MATN2: variants seen among roughly 807,000 people sequenced by gnomAD.
MATN2 encodes matrilin 2, also known as matrilin-2.
In MATN2, 69 loss-of-function variants were observed where a neutral mutation model predicts 103.2. The ratio of observed to expected loss-of-function variants is 0.67; its 90% CI spans 0.55 to 0.82. The LOEUF is 0.82. MATN2 is among the 40% of genes least tolerant of loss of function. MATN2 has a pLI of 0.00. For synonymous variants in MATN2, 429 were observed against 450.2 expected, an observed-to-expected ratio of 0.95 and a Z score of 0.60; for missense variants, 1,023 against 1,211.5, an observed-to-expected ratio of 0.84 and a Z score of 2.31.
rs1452867346 is a variant in MATN2 at position 98,027,794 on chromosome 8, A to T, written c.2321A>T (p.Asp774Val). ...IVFTDGRAQDDVSEWASKAKA... is the reference protein window; with the variant it reads ...IVFTDGRAQDVVSEWASKAKA... ...TTCACCGACGGACGGGCTCAGGATGACGTCTCCGAGTGGGCCAGTAAAGCC... is the reference window on the plus strand; with the variant it reads ...TTCACCGACGGACGGGCTCAGGATGTCGTCTCCGAGTGGGCCAGTAAAGCC... The change falls in exon 14 of 19, where the codon GAC (aspartate) becomes GTC (valine). Residue 774 changes from aspartate to valine, a missense_variant. Transcript: ENST00000254898. 1 of 1,594,340 alleles carries T rather than the reference A, an allele frequency of 6.3e-7. No homozygotes were observed. The highest frequency in any genetic ancestry group is 1.4e-5 in the African/African-American group (1 of 73,854).
intron 18 of MATN2, 85 bp downstream of exon 18, chr8:98,033,744 T>C (rs1349874391): frequency 1.1e-6 from 1 of 949,194 alleles, no homozygotes; most frequent in Non-Finnish European, 1.6e-6. Context: ...TTTTATCAAC[T>C]GAAGTAAATC....
chr8:97,874,758 C>G lies in MATN2; in HGVS notation c.-27+5471C>G, dbSNP rs1818012835. Among the ~76,000 whole-genome samples the G allele has an allele frequency of 6.6e-5, 10 of 151,264 alleles. No homozygotes were observed. The South Asian group carries it at 2.1e-3, about 32-fold the overall frequency. On this transcript the variant is annotated intron_variant, in intron 1 of 18. Coordinates refer to ENST00000254898, the MANE Select transcript of MATN2 (RefSeq NM_002380.5). ...TTTGAGACAGAGTCTTGCTCTGTTGCCCAGGCTGGAGTGCAGTGGTGTGAT... is the reference window on the plus strand; with the variant it reads ...TTTGAGACAGAGTCTTGCTCTGTTGGCCAGGCTGGAGTGCAGTGGTGTGAT...
chr8:97,896,064 G>T (rs889398143), intron 2 of MATN2, among the ~76,000 whole-genome samples: 2 of 152,178 alleles, frequency 1.3e-5, no homozygotes. Flanking sequence ...TGTATTTGGA[G>T]GTGCTGCTGC....
At chr8:97,993,267 A>T (rs1311118435) in intron 6 of MATN2, among the ~76,000 whole-genome samples, 1 of 152,190 alleles carries the variant, frequency 6.6e-6, no homozygotes, top group Admixed American at 6.5e-5. Context: ...ACTCTCATTT[A>T]TACCAAATTA....
intron 2 of MATN2, among the ~76,000 whole-genome samples, chr8:97,915,225 C>A (rs1190519114): frequency 6.6e-6 from 1 of 152,076 alleles, no homozygotes; most frequent in Non-Finnish European, 1.5e-5. Context: ...CTGCTGGGCT[C>A]AGGCAGTCCT....
At chr8:97,897,126 CACAG>C (rs1421173453) in intron 2 of MATN2, among the ~76,000 whole-genome samples, 3 of 152,214 alleles carry the variant, frequency 2.0e-5, no homozygotes, top group Non-Finnish European at 4.4e-5. Flanking sequence ...CTTGTTAGAA[CACAG>C]ATTACTGGGC....
Position 98,005,615 on chromosome 8 carries a change from C to T in MATN2, c.1328-1490C>T, listed in dbSNP as rs74570477. 0.034 allele frequency among the ~76,000 whole-genome samples: 5,196 copies of T among 152,264 alleles called. 119 individuals are homozygous for T. Among genetic ancestry groups the T allele is most frequent in the South Asian group, 0.059 (285 of 4,822 alleles). ...AGTACAAACCAAGCTGTTTCTGTCT[C>T]GCAGTCCTTAGAGAAAGCCACAGGC... On this transcript the variant is annotated intron_variant, in intron 8 of 18. Coordinates refer to ENST00000254898, the MANE Select transcript of MATN2 (RefSeq NM_002380.5). The surrounding 1 kb of genome is among the most constrained non-coding windows in gnomAD (Gnocchi z 4.6).
chr8:97,878,851 CAAAA>C (rs200870362), intron 1 of MATN2, among the ~76,000 whole-genome samples: 2 of 145,754 alleles, frequency 1.4e-5, no homozygotes, highest in African/African-American at 5.0e-5. Flanking sequence ...AACTCCATCT[CAAAA>C]AAAAAAGAAG....
In MATN2 at chr8:97,869,694, C is replaced by G. The variant is rs1817829881; in HGVS notation, c.-27+407C>G. 2.0e-5 allele frequency among the ~76,000 whole-genome samples: 3 copies of G among 152,224 alleles called. No homozygotes were observed. The South Asian group carries it at 6.2e-4, about 32-fold the overall frequency. ...CGGACAGCCGATGGCTCCCCCTTCC[C>G]TCTTCGGAACCTGGTATTTTCATGC... On this transcript the variant is annotated intron_variant, in intron 1 of 18. Coordinates refer to ENST00000254898, the MANE Select transcript of MATN2 (RefSeq NM_002380.5).
intron 2 of MATN2, among the ~76,000 whole-genome samples, chr8:97,923,999 A>G (rs537220786): frequency 1.3e-5 from 2 of 152,246 alleles, no homozygotes; most frequent in South Asian, 4.1e-4. Context: ...CCTTATCTGG[A>G]CTTCCAGTTA....
chr8:97,985,108 C>T (rs867118097), intron 6 of MATN2, among the ~76,000 whole-genome samples: 5 of 152,152 alleles, frequency 3.3e-5, no homozygotes, highest in Admixed American at 1.3e-4. Context: ...TTATTTGGCT[C>T]ATGATTCTGC....
chr8:97,886,727 GT>G (rs200127206), intron 1 of MATN2, among the ~76,000 whole-genome samples: 4 of 151,246 alleles, frequency 2.6e-5, no homozygotes, highest in Non-Finnish European at 4.4e-5. Context: ...AAATAGTGAG[GT>G]TTTTTTTTAA....
At chr8:97,912,634 G>A (rs1255248681) in intron 2 of MATN2, among the ~76,000 whole-genome samples, 1 of 152,118 alleles carries the variant, frequency 6.6e-6, no homozygotes, top group African/African-American at 2.4e-5. Flanking sequence ...GATGAGGGTG[G>A]GCCTGCAGAG....
chr8:98,033,027 T>G lies in MATN2; in HGVS notation c.2582-15T>G, dbSNP rs1427392065. On this transcript the variant is annotated splice_polypyrimidine_tract_variant and intron_variant, in intron 16 of 18. Coordinates refer to ENST00000254898, the MANE Select transcript of MATN2 (RefSeq NM_002380.5). ...CGTTAAGCAGGTTTGATTGCAGTTT[T>G]CTTTCTCTTTACAGAATCTGAGCCA... 3 of 1,596,694 alleles carry G rather than the reference T, an allele frequency of 1.9e-6. No homozygotes were observed. Among genetic ancestry groups the G allele is most frequent in the Non-Finnish European group, 1.7e-6 (2 of 1,174,610 alleles).
chr8:98,030,500 G>A lies in MATN2; in HGVS notation c.2395G>A (p.Glu799Lys). 3 of 1,613,860 alleles carry A rather than the reference G, an allele frequency of 1.9e-6. No individual in the cohort carries two copies. In the South Asian group the frequency reaches 3.3e-5, roughly 18 times the overall value. Residue 799 changes from glutamate (E) to lysine (K), a missense_variant, in exon 15 of 19, where the codon GAG (glutamate) becomes AAG (lysine). Coordinates refer to ENST00000254898, the MANE Select transcript of MATN2 (RefSeq NM_002380.5). ...TGCTGTTGGGGTAGGAAAAGCCATT[G>A]AGGAGGAACTACAAGAGATTGCCTC... ...MYAVGVGKAI[E>K]EELQEIASEP...
chr8:97,978,968 T>C lies in MATN2; in HGVS notation c.1041T>C (p.His347=). The part of the protein sequence containing the change: ...NADGSYLCQC[H]EGFALNPDKK... ...ATGGCTCCTACCTTTGCCAGTGCCA[T>C]GAAGGATTTGCTCTTAACCCAGATA... Residue 347 remains histidine, a synonymous_variant, in exon 6 of 19, where the codon CAT becomes CAC. Coordinates refer to ENST00000254898, the MANE Select transcript of MATN2 (RefSeq NM_002380.5). 1 of 1,613,568 alleles carries C rather than the reference T, an allele frequency of 6.2e-7. No individual in the cohort carries two copies. The highest frequency in any genetic ancestry group is 8.5e-7 in the Non-Finnish European group (1 of 1,179,664).
At chr8:97,898,737 G>A (rs969484468) in intron 2 of MATN2, among the ~76,000 whole-genome samples, 1 of 152,086 alleles carries the variant, frequency 6.6e-6, no homozygotes, top group African/African-American at 2.4e-5. Context: ...AGCAGCCAGA[G>A]GTAGAATTCA....
intron 1 of MATN2, among the ~76,000 whole-genome samples, chr8:97,881,913 C>CTTTTTTTTTTTTT (rs34704905): frequency 2.4e-4 from 20 of 84,110 alleles, no homozygotes; most frequent in African/African-American, 5.9e-4. Flanking sequence ...TATTACTTAT[C>CTTTTTTTTTTTTT]TTTTTTTTTT....
intron 5 of MATN2, among the ~76,000 whole-genome samples, chr8:97,966,447 C>T (rs764430204): frequency 6.6e-6 from 1 of 150,752 alleles, no homozygotes; most frequent in Non-Finnish European, 1.5e-5. Flanking sequence ...GTCCCAGCTA[C>T]TCCAGAGGCT....
Sources: gnomAD v4.1 joint callset for allele counts (sites outside exome capture counted in the v4.1 genomes callset) on GRCh38, gnomAD v4.1.1 for gene constraint, Gnocchi (gnomAD v3.1) non-coding constraint, MANE v1.5 for transcripts, NCBI Gene and HGNC (gene_info 2026-07-23, HGNC 2026-07-21) for gene names.